Variants in NCAM2 observed in about 807,000 individuals in gnomAD.
NCAM2 encodes N-CAM-2.
A neutral mutation model predicts 98.1 loss-of-function variants in NCAM2; 30 were observed. The observed-to-expected ratio is 0.31, with a 90% CI of 0.23 to 0.41. The LOEUF is 0.41. Among genes scored for constraint, NCAM2 ranks in the 10% least tolerant of loss-of-function variants. The pLI, the probability that NCAM2 is intolerant of heterozygous loss-of-function variation, is 1.00. For synonymous variants in NCAM2, 368 were observed against 342.4 expected (o/e 1.07, Z -0.83); for missense variants, 867 against 1,005.8 (o/e 0.86, Z 1.87).
intron 15 of NCAM2, among the ~76,000 whole-genome samples, chr21:21,493,432 G>A (rs977089618): frequency 6.6e-6 from 1 of 151,752 alleles, no homozygotes; most frequent in Non-Finnish European, 1.5e-5. Flanking sequence ...AGATTGAATG[G>A]AAACTAAAGA....
intron 1 of NCAM2, among the ~76,000 whole-genome samples, chr21:21,249,062 A>G (rs1490144018): frequency 6.6e-6 from 1 of 152,064 alleles, no homozygotes; most frequent in African/African-American, 2.4e-5. Flanking sequence ...AGCTTTCCTT[A>G]CCAATTATGA....
chr21:21,114,019 G>T (rs545407963), intron 1 of NCAM2, among the ~76,000 whole-genome samples: 9 of 152,160 alleles, frequency 5.9e-5, no homozygotes, highest in Non-Finnish European at 1.0e-4. Flanking sequence ...AATCAATTTT[G>T]CTGTAGCTTG....
chr21:21,339,237 C>G (rs893631945), intron 8 of NCAM2, among the ~76,000 whole-genome samples: 1 of 152,030 alleles, frequency 6.6e-6, no homozygotes, highest in Non-Finnish European at 1.5e-5. Context: ...TAGAAATTGT[C>G]TTTCTGCAGT....
At chr21:21,434,320 G>T (rs749801997) in intron 12 of NCAM2, among the ~76,000 whole-genome samples, 28 of 152,156 alleles carry the variant, frequency 1.8e-4, no homozygotes, top group Admixed American at 5.9e-4. Flanking sequence ...GGGAAGCTGC[G>T]TGCATAGAAT....
At chr21:21,338,805 A>G (rs1428756821) in intron 8 of NCAM2, among the ~76,000 whole-genome samples, 1 of 152,132 alleles carries the variant, frequency 6.6e-6, no homozygotes, top group African/African-American at 2.4e-5. Flanking sequence ...GACTTTTGTT[A>G]TACGTTGAAT....
chr21:21,219,191 A>G (rs2070033038), intron 1 of NCAM2, among the ~76,000 whole-genome samples: 1 of 152,100 alleles, frequency 6.6e-6, no homozygotes, highest in Admixed American at 6.6e-5. Flanking sequence ...ATCAGCTATT[A>G]TTAGTGTTAG....
chr21:21,188,531 G>C (rs1347148368), intron 1 of NCAM2, among the ~76,000 whole-genome samples: 1 of 152,074 alleles, frequency 6.6e-6, no homozygotes, highest in Non-Finnish European at 1.5e-5. Context: ...TTCTCTAAAG[G>C]AAGCTCTTAT....
At chr21:21,092,689 A>G (rs2066037843) in intron 1 of NCAM2, among the ~76,000 whole-genome samples, 1 of 151,930 alleles carries the variant, frequency 6.6e-6, no homozygotes, top group Non-Finnish European at 1.5e-5. Context: ...AAAATCTAGG[A>G]CAAGAACTTG....
At chr21:21,012,436 G>T (rs768841761) in intron 1 of NCAM2, among the ~76,000 whole-genome samples, 81 of 151,980 alleles carry the variant, frequency 5.3e-4, no homozygotes, top group Non-Finnish European at 1.1e-3. Flanking sequence ...CATCAGTTTA[G>T]GATGCTTTTA....
intron 1 of NCAM2, among the ~76,000 whole-genome samples, chr21:21,236,348 T>G (rs993463826): frequency 3.3e-5 from 5 of 152,118 alleles, no homozygotes; most frequent in African/African-American, 1.2e-4. Flanking sequence ...ATCACAACCA[T>G]CAATAAATAT....
intron 1 of NCAM2, among the ~76,000 whole-genome samples, chr21:21,102,683 A>T (rs998596195): frequency 1.6e-4 from 24 of 152,074 alleles, no homozygotes; most frequent in African/African-American, 5.8e-4. Context: ...AAAATTAATG[A>T]TGCTCAGTTA....
At chr21:21,315,720 C>A (rs537860026) in intron 5 of NCAM2, among the ~76,000 whole-genome samples, 27 of 152,148 alleles carry the variant, frequency 1.8e-4, no homozygotes, top group Middle Eastern at 6.8e-3. Context: ...TCAATCCAGG[C>A]CATGGAATTC....
chr21:21,378,137 A>G (rs1174244500), intron 9 of NCAM2, among the ~76,000 whole-genome samples: 1 of 151,702 alleles, frequency 6.6e-6, no homozygotes, highest in East Asian at 1.9e-4. Flanking sequence ...TAATACTGTC[A>G]TGAACATGGG....
At chr21:20,998,883 CTTCT>C (rs2063968832) in intron 1 of NCAM2, among the ~76,000 whole-genome samples, 1 of 151,966 alleles carries the variant, frequency 6.6e-6, no homozygotes, top group Admixed American at 6.6e-5. Context: ...GCTTCTTCTT[CTTCT>C]TTTTTTTTCC....
intron 5 of NCAM2, 24 bp from the exon 6 acceptor site, chr21:21,324,359 A>ATTCTGTAT: frequency 6.3e-7 from 1 of 1,574,970 alleles, no homozygotes; most frequent in Non-Finnish European, 8.7e-7. Context: ...GTCTCTATTT[A>ATTCTGTAT]TTCTGTATTC....
At chr21:21,486,303 CA>C (rs67182493) in intron 15 of NCAM2, among the ~76,000 whole-genome samples, 219 of 52,240 alleles carry the variant, frequency 4.2e-3, no homozygotes, top group African/African-American at 0.014. Context: ...GACTCCGTCT[CA>C]AAAAAAAAAA....
chr21:21,273,408 C>CTATACTA (rs1403973043), intron 1 of NCAM2, among the ~76,000 whole-genome samples: 35 of 152,132 alleles, frequency 2.3e-4, no homozygotes, highest in African/African-American at 8.4e-4. Flanking sequence ...CTACTATATA[C>CTATACTA]TATACTATAT....
intron 11 of NCAM2, among the ~76,000 whole-genome samples, chr21:21,419,306 T>A: frequency 4.2e-5 from 1 of 23,538 alleles, no homozygotes; most frequent in African/African-American, 2.7e-4. Context: ...AATAGGGAAC[T>A]TTTTTTTTTT....
At chr21:21,131,822 C>G (rs1211537591) in intron 1 of NCAM2, among the ~76,000 whole-genome samples, 1 of 152,022 alleles carries the variant, frequency 6.6e-6, no homozygotes, top group Non-Finnish European at 1.5e-5. Context: ...TATTGAACTT[C>G]TGTTATGGCC....
Sources: gnomAD v4.1 joint callset for allele counts (sites outside exome capture counted in the v4.1 genomes callset) on GRCh38, gnomAD v4.1.1 for gene constraint, MANE v1.5 for transcripts, NCBI Gene and HGNC (gene_info 2026-07-23, HGNC 2026-07-21) for gene names.